The following ZNF423 variants were observed in gnomAD, a reference collection of about 807,000 sequenced individuals.
ZNF423 encodes Ebf-associated zinc finger protein.
In ZNF423, 12 loss-of-function variants were observed where a neutral mutation model predicts 95.8. The ratio of observed to expected loss-of-function variants is 0.13; its 90% CI spans 0.08 to 0.20. The LOEUF is 0.20. ZNF423 is among the 10% of genes least tolerant of loss of function. The pLI is 1.00. For missense variants in ZNF423, 1,316 were observed against 1,737.1 expected (o/e 0.76, Z 4.31); for synonymous variants, 749 against 711.9 (o/e 1.05, Z -0.83).
At chr16:49,600,862 C>T (rs1971347660) in intron 5 of ZNF423, among the ~76,000 whole-genome samples, 2 of 152,222 alleles carry the variant, frequency 1.3e-5, no homozygotes, top group Admixed American at 6.5e-5. Flanking sequence ...TCAGGAGGGG[C>T]TCCGGCCCGG....
intron 7 of ZNF423, among the ~76,000 whole-genome samples, chr16:49,503,296 C>A (rs536859789): frequency 2.0e-5 from 3 of 152,134 alleles, no homozygotes; most frequent in Admixed American, 1.3e-4. Flanking sequence ...AAGCACAGTC[C>A]GGGTTGTCTC....
chr16:49,659,224 G>A (rs1450430047), intron 3 of ZNF423, among the ~76,000 whole-genome samples: 4 of 152,130 alleles, frequency 2.6e-5, no homozygotes, highest in Non-Finnish European at 4.4e-5. Context: ...AAGTAGCTGG[G>A]ACTACAGGTG....
chr16:49,595,152 G>A (rs1362810143), intron 5 of ZNF423, among the ~76,000 whole-genome samples: 1 of 152,170 alleles, frequency 6.6e-6, no homozygotes, highest in African/African-American at 2.4e-5. Flanking sequence ...GGGTGGGGGG[G>A]TCTCTCTTGT....
intron 3 of ZNF423, among the ~76,000 whole-genome samples, chr16:49,693,686 A>G (rs1263398473): frequency 1.3e-5 from 2 of 152,184 alleles, no homozygotes; most frequent in Non-Finnish European, 2.9e-5. Context: ...ACCTCATTAC[A>G]CTACAGGAAA....
chr16:49,851,747 C>A (rs2035304423), intron 1 of ZNF423, among the ~76,000 whole-genome samples: 1 of 152,242 alleles, frequency 6.6e-6, no homozygotes, highest in South Asian at 2.1e-4. Flanking sequence ...CTGCCAGAGG[C>A]ACATAGTTAT....
In ZNF423 at chr16:49,638,852, G is replaced by A. The variant is rs1448166273; in HGVS notation, c.324C>T (p.Leu108=). The A allele has an allele frequency of 6.2e-7, 1 of 1,610,004 alleles. No homozygotes were observed. Among genetic ancestry groups the A allele is most frequent in the African/African-American group, 1.3e-5 (1 of 74,890 alleles). ...TGGAGGGAGACGAGGCCACCCAGGA[G>A]AGTTGTGGGTCGTCATCACCATCTG... The part of the protein sequence containing the change: ...CPGDGDDDPQ[L]SWVASSPSSK... The change falls in exon 4 of 8, where the codon CTC becomes CTT. Residue 108 remains leucine, a synonymous_variant. Coordinates refer to ENST00000563137, the MANE Select transcript of ZNF423 (RefSeq NM_001379286.1). This position sits in a 1 kb window ranked among gnomAD's most constrained non-coding sequence, Gnocchi z 5.6.
At chr16:49,719,255 C>A (rs2032796085) in intron 3 of ZNF423, among the ~76,000 whole-genome samples, 1 of 152,132 alleles carries the variant, frequency 6.6e-6, no homozygotes, top group South Asian at 2.1e-4. Flanking sequence ...AAAAAGCAGA[C>A]CTGACGGGAA....
Position 49,730,990 on chromosome 16 carries a change from C to T in ZNF423, c.101-19G>A. 6.2e-7 allele frequency: 1 copy of T among 1,612,288 alleles called. No individual in the cohort carries two copies. The highest frequency in any genetic ancestry group is 8.5e-7 in the Non-Finnish European group (1 of 1,178,344). ...AGGCCTCCTGCCAACAGGAAGAATA[C>T]AGTCCATGTCAGCTGATGGGGTCTT... On this transcript the variant is annotated intron_variant, in intron 2 of 7. Coordinates refer to ENST00000563137, the MANE Select transcript of ZNF423 (RefSeq NM_001379286.1).
At chr16:49,657,588 G>A (rs941897604) in intron 3 of ZNF423, among the ~76,000 whole-genome samples, 2 of 152,246 alleles carry the variant, frequency 1.3e-5, no homozygotes, top group African/African-American at 2.4e-5. Flanking sequence ...AAAGGGCCTG[G>A]AGCCAGTGGG....
intron 1 of ZNF423, among the ~76,000 whole-genome samples, chr16:49,803,076 G>A (rs879726105): frequency 2.0e-5 from 3 of 151,810 alleles, no homozygotes; most frequent in South Asian, 2.1e-4. Flanking sequence ...GCAACATATC[G>A]AGATTCCGTC....
intron 5 of ZNF423, among the ~76,000 whole-genome samples, chr16:49,570,470 G>A (rs1970320460): frequency 6.6e-6 from 1 of 152,118 alleles, no homozygotes; most frequent in African/African-American, 2.4e-5. Context: ...TGGTGAGTTG[G>A]GGGGTATTTA....
intron 4 of ZNF423, among the ~76,000 whole-genome samples, chr16:49,633,838 G>C (rs1306169362): frequency 1.3e-5 from 2 of 152,126 alleles, no homozygotes; most frequent in African/African-American, 4.8e-5. Flanking sequence ...CTCCACTCCA[G>C]ACAGGACTTT....
intron 5 of ZNF423, among the ~76,000 whole-genome samples, chr16:49,539,934 C>T (rs914359325): frequency 6.6e-6 from 1 of 152,194 alleles, no homozygotes; most frequent in Non-Finnish European, 1.5e-5. Flanking sequence ...AGCTGTCTGT[C>T]CTGCCTCTGT....
At chr16:49,689,278 C>A (rs2031686269) in intron 3 of ZNF423, among the ~76,000 whole-genome samples, 4 of 140,712 alleles carry the variant, frequency 2.8e-5, no homozygotes, top group African/African-American at 2.6e-5. Flanking sequence ...CCCATCTCTA[C>A]AAAAAAAAAA....
intron 3 of ZNF423, among the ~76,000 whole-genome samples, chr16:49,651,208 T>C (rs1232323505): frequency 6.9e-6 from 1 of 144,656 alleles, no homozygotes; most frequent in Non-Finnish European, 1.5e-5. Flanking sequence ...TTTTTTTTTG[T>C]AGAGACAGGG....
At chr16:49,606,089 A>G (rs1971527649) in intron 5 of ZNF423, among the ~76,000 whole-genome samples, 1 of 152,208 alleles carries the variant, frequency 6.6e-6, no homozygotes, top group Admixed American at 6.5e-5. Flanking sequence ...AGCAGCTCTG[A>G]GGATGTAACA....
rs55879782 is a variant in ZNF423, at chr16:49,669,551, G to A, written c.302-30677C>T. Among the ~76,000 whole-genome samples, 702 of 152,254 alleles carry A rather than the reference G, an allele frequency of 4.6e-3. 6 individuals carry two copies. Among genetic ancestry groups the A allele is most frequent in the Middle Eastern group, 0.01 (3 of 294 alleles). On this transcript the variant is annotated intron_variant, in intron 3 of 7. Coordinates refer to ENST00000563137, the MANE Select transcript of ZNF423 (RefSeq NM_001379286.1). ...GCCGACAGGGCAGCCCAGAGGACACGGCCAGGCCAGGTGGGGTGCAAACCT... is the reference window on the plus strand; with the variant it reads ...GCCGACAGGGCAGCCCAGAGGACACAGCCAGGCCAGGTGGGGTGCAAACCT...
At chr16:49,854,950 C>A in intron 1 of ZNF423, 2 of 985,062 alleles carry the variant, frequency 2.0e-6, no homozygotes, top group Non-Finnish European at 2.4e-6. Flanking sequence ...GGTGCCGGTG[C>A]CCGGGGTCAG....
At chr16:49,730,663 G>C in intron 3 of ZNF423, 108 bp downstream of exon 3, 2 of 1,211,586 alleles carry the variant, frequency 1.7e-6, no homozygotes, top group Non-Finnish European at 2.4e-6. Flanking sequence ...GACATTAACT[G>C]TAAAATTACA....
Sources: allele counts gnomAD v4.1 joint callset (sites outside exome capture counted in the v4.1 genomes callset), GRCh38; gene constraint gnomAD v4.1.1; non-coding constraint Gnocchi (gnomAD v3.1); transcripts MANE v1.5; gene names NCBI Gene and HGNC (gene_info 2026-07-23, HGNC 2026-07-21).